Variants in ARMH4 observed in about 807,000 individuals in gnomAD.
ARMH4 encodes armadillo-like helical domain-containing protein 4.
ARMH4 carries 49 observed loss-of-function variants against 61.9 expected under a neutral mutation model. The observed-to-expected ratio is 0.79, with a 90% CI of 0.63 to 1.00. The LOEUF (loss-of-function observed/expected upper bound fraction) is 1.00, where lower values mean the gene tolerates loss of function less well. Ranked by LOEUF, ARMH4 falls within the 50% of genes least tolerant of loss-of-function variation. ARMH4 has a pLI of 0.00. For synonymous variants in ARMH4, 368 were observed against 341.5 expected (o/e 1.08, Z -0.85); for missense variants, 934 against 930.0 (o/e 1.00, Z -0.06).
intron 4 of ARMH4, among the ~76,000 whole-genome samples, chr14:58,125,529 C>G (rs942159405): frequency 2.0e-5 from 3 of 152,210 alleles, no homozygotes; most frequent in African/African-American, 4.8e-5. Flanking sequence ...ATTTCAATCC[C>G]TGTATCTTTA....
chr14:58,105,087 G>A (rs1003497331), intron 4 of ARMH4, among the ~76,000 whole-genome samples: 2 of 152,148 alleles, frequency 1.3e-5, no homozygotes, highest in African/African-American at 4.8e-5. Context: ...AAATAATGAT[G>A]TCATGAACAT....
intron 5 of ARMH4, among the ~76,000 whole-genome samples, chr14:58,054,884 AAT>A (rs57330663): frequency 0.35 from 36,063 of 101,632 alleles, 5,696 homozygotes; most frequent in East Asian, 0.65. Context: ...AAAAAAAAAA[AAT>A]AATAATAATA....
chr14:58,140,846 T>C lies in ARMH4; in HGVS notation c.-56-1432A>G, dbSNP rs1189829563. On this transcript the variant is annotated intron_variant, in intron 1 of 7. Transcript: ENST00000267485. ...TGAACCCGGGAGGCGGAGGTTGCAA[T>C]GAGCCAAGATCGCGCCATCACAGTC... Among the ~76,000 whole-genome samples, 4 of 152,206 alleles carry C rather than the reference T, an allele frequency of 2.6e-5. No homozygotes were observed. In the East Asian group the frequency reaches 7.7e-4, roughly 29 times the overall value.
At chr14:58,131,467 T>C (rs778646906) in intron 4 of ARMH4, 45 bp downstream of exon 4, 1 of 1,470,716 alleles carries the variant, frequency 6.8e-7, no homozygotes, top group Non-Finnish European at 9.5e-7. Flanking sequence ...GCTCAGTGAC[T>C]CACTCAACCA....
intron 5 of ARMH4, among the ~76,000 whole-genome samples, chr14:58,069,453 A>T (rs1377825482): frequency 1.3e-5 from 2 of 152,234 alleles, no homozygotes; most frequent in Non-Finnish European, 2.9e-5. Flanking sequence ...ATAAACAAGG[A>T]AGTAATAGAT....
chr14:58,127,408 T>C (rs1328515289), intron 4 of ARMH4, among the ~76,000 whole-genome samples: 1 of 152,194 alleles, frequency 6.6e-6, no homozygotes, highest in Non-Finnish European at 1.5e-5. Context: ...TTGCCTGCTG[T>C]CATATAAGAT....
chr14:58,058,661 T>C (rs997904479), intron 5 of ARMH4, among the ~76,000 whole-genome samples: 1 of 152,184 alleles, frequency 6.6e-6, no homozygotes, highest in Non-Finnish European at 1.5e-5. Flanking sequence ...TAATGAGCAA[T>C]GAGGACAATC....
intron 5 of ARMH4, among the ~76,000 whole-genome samples, chr14:58,073,187 A>G (rs1884940333): frequency 6.6e-6 from 1 of 152,170 alleles, no homozygotes. Flanking sequence ...ACTCCAAGCT[A>G]AATAAATGAT....
At chr14:58,026,889 T>G (rs140622369) in intron 5 of ARMH4, among the ~76,000 whole-genome samples, 210 of 152,288 alleles carry the variant, frequency 1.4e-3, no homozygotes, top group African/African-American at 5.0e-3. Context: ...GGCTGTAGTC[T>G]CTTGTTTGCC....
intron 4 of ARMH4, among the ~76,000 whole-genome samples, chr14:58,098,275 G>A (rs1270267024): frequency 6.6e-6 from 1 of 151,788 alleles, no homozygotes; most frequent in Non-Finnish European, 1.5e-5. Context: ...ATTCTTATAT[G>A]TCCTTTAACT....
intron 5 of ARMH4, among the ~76,000 whole-genome samples, chr14:58,042,044 G>T (rs1472572491): frequency 6.6e-6 from 1 of 151,940 alleles, no homozygotes; most frequent in South Asian, 2.1e-4. Context: ...CAACGAGACA[G>T]AAAGTTAACA....
At chr14:58,008,346 T>C (rs1882263680) in intron 6 of ARMH4, among the ~76,000 whole-genome samples, 1 of 152,202 alleles carries the variant, frequency 6.6e-6, no homozygotes, top group African/African-American at 2.4e-5. Context: ...GAATGTTCTT[T>C]GCACCATTCT....
chr14:58,009,817 AAAAAAAAAAAAG>A (rs1207620446), intron 6 of ARMH4, among the ~76,000 whole-genome samples: 4 of 144,252 alleles, frequency 2.8e-5, no homozygotes, highest in Admixed American at 1.4e-4. Flanking sequence ...CAAAAAAAAA[AAAAAAAAAAAAG>A]AGAGAGAGAG....
At chr14:58,007,299 C>T (rs1405206815) in intron 6 of ARMH4, among the ~76,000 whole-genome samples, 1 of 152,168 alleles carries the variant, frequency 6.6e-6, no homozygotes, top group African/African-American at 2.4e-5. Context: ...TTCTTATTGA[C>T]ACACTTAAGC....
chr14:58,114,024 T>C (rs1325582846), intron 4 of ARMH4, among the ~76,000 whole-genome samples: 1 of 152,150 alleles, frequency 6.6e-6, no homozygotes, highest in Non-Finnish European at 1.5e-5. Flanking sequence ...CCAATCTTAC[T>C]TGGCTTTGTC....
At chr14:58,093,965 A>T (rs912551102) in intron 5 of ARMH4, among the ~76,000 whole-genome samples, 3 of 152,218 alleles carry the variant, frequency 2.0e-5, no homozygotes, top group African/African-American at 7.2e-5. Context: ...ATATATTTTT[A>T]AAACTCAGGA....
chr14:58,043,044 A>C (rs1347446825), intron 5 of ARMH4, among the ~76,000 whole-genome samples: 3 of 152,212 alleles, frequency 2.0e-5, no homozygotes, highest in African/African-American at 7.2e-5. Flanking sequence ...AGGTGGTACC[A>C]TTCCTTCTGA....
intron 5 of ARMH4, among the ~76,000 whole-genome samples, chr14:58,085,103 G>A (rs1335679893): frequency 6.6e-6 from 1 of 151,846 alleles, no homozygotes; most frequent in Non-Finnish European, 1.5e-5. Flanking sequence ...GTAAAATTTG[G>A]GAGACTCCAA....
intron 1 of ARMH4, among the ~76,000 whole-genome samples, chr14:58,139,724 C>T (rs1185940679): frequency 1.3e-5 from 2 of 152,236 alleles, no homozygotes; most frequent in Non-Finnish European, 2.9e-5. Flanking sequence ...GCAATATTCT[C>T]TCCAAATTCC....
Sources: gnomAD v4.1 joint callset for allele counts (sites outside exome capture counted in the v4.1 genomes callset) on GRCh38, gnomAD v4.1.1 for gene constraint, MANE v1.5 for transcripts, NCBI Gene and HGNC (gene_info 2026-07-23, HGNC 2026-07-21) for gene names.